OSBPL1A: variants seen among roughly 807,000 people sequenced by gnomAD.
OSBPL1A encodes the protein oxysterol binding protein like 1A.
OSBPL1A carries 80 observed loss-of-function variants against 137.1 expected under a neutral mutation model. That is an observed-to-expected ratio of 0.58 (90% CI 0.49 to 0.70). The LOEUF (loss-of-function observed/expected upper bound fraction) is 0.70. Ranked by LOEUF, OSBPL1A falls within the 30% of genes least tolerant of loss-of-function variation. The pLI, the probability that OSBPL1A is intolerant of heterozygous loss-of-function variation, is 0.00. For missense variants in OSBPL1A, 970 were observed against 1,129.4 expected (o/e 0.86, Z 2.02); for synonymous variants, 365 against 389.7 (o/e 0.94, Z 0.75).
At chr18:24,170,531 C>A (rs1370054083) in intron 23 of OSBPL1A, 78 bp from the exon 24 acceptor site, 7 of 1,559,498 alleles carry the variant, frequency 4.5e-6, no homozygotes, top group Non-Finnish European at 5.3e-6. Flanking sequence ...TATTCCCAGG[C>A]GGTCTCCCAT....
intron 18 of OSBPL1A, among the ~76,000 whole-genome samples, chr18:24,183,713 G>A (rs1249663118): frequency 6.6e-6 from 1 of 152,166 alleles, no homozygotes. Flanking sequence ...TGGGATTACA[G>A]GCGTGAGCCA....
intron 14 of OSBPL1A, among the ~76,000 whole-genome samples, chr18:24,300,392 G>A (rs1363895862): frequency 6.6e-6 from 1 of 152,126 alleles, no homozygotes; most frequent in African/African-American, 2.4e-5. Context: ...CTAGTTGCAA[G>A]GATTTATAAA....
rs1224356058 is a variant in OSBPL1A, at chr18:24,362,008, AAAAAAAAAAAAG to A, written c.282+4872_282+4883del. 1.3e-3 allele frequency among the ~76,000 whole-genome samples: 123 copies of A among 94,994 alleles called. No individual in the cohort carries two copies. The South Asian group carries it at 0.021, about 16-fold the overall frequency. 62.3% of individuals were successfully genotyped at this position (94,994 alleles called of 152,430 possible). A position where few individuals can be genotyped will look rare whatever the true frequency, so the allele number is the denominator to read the frequency against. On this transcript the variant is annotated intron_variant, in intron 4 of 27. Coordinates refer to ENST00000319481, the MANE Select transcript of OSBPL1A (RefSeq NM_080597.4). ...GGAGACTCCATCTCAAAAAAAAAAAAAAAAAAAAAAAGACATAGACAAAAATAACACTAATAC... is the reference window on the plus strand; with the variant it reads ...GGAGACTCCATCTCAAAAAAAAAAAAACATAGACAAAAATAACACTAATAC...
At chr18:24,270,772 T>C (rs2089698512) in intron 15 of OSBPL1A, among the ~76,000 whole-genome samples, 1 of 151,986 alleles carries the variant, frequency 6.6e-6, no homozygotes, top group African/African-American at 2.4e-5. Flanking sequence ...CTACACACTA[T>C]TCCACCAACA....
At chr18:24,377,602 T>C in intron 1 of OSBPL1A, 67 bp from the exon 2 acceptor site, 5 of 1,426,540 alleles carry the variant, frequency 3.5e-6, no homozygotes, top group Non-Finnish European at 4.7e-6. Context: ...TATCACCTGC[T>C]AATACAGAAA....
intron 1 of OSBPL1A, among the ~76,000 whole-genome samples, chr18:24,396,782 A>T (rs1410398348): frequency 6.6e-6 from 1 of 152,178 alleles, no homozygotes; most frequent in Non-Finnish European, 1.5e-5. Flanking sequence ...TACCCCTCAA[A>T]ACGAATCTGC....
chr18:24,342,051 C>T (rs2091281877), intron 4 of OSBPL1A, among the ~76,000 whole-genome samples: 1 of 151,988 alleles, frequency 6.6e-6, no homozygotes, highest in African/African-American at 2.4e-5. Context: ...CCCAACAGAC[C>T]AAGATTTTTA....
chr18:24,166,545 GTC>G, intron 26 of OSBPL1A, 32 bp downstream of exon 26: 1 of 1,588,740 alleles, frequency 6.3e-7, no homozygotes, highest in Non-Finnish European at 8.5e-7. Context: ...CGAGAAATGA[GTC>G]TTCACTGGTG....
intron 17 of OSBPL1A, among the ~76,000 whole-genome samples, chr18:24,210,714 T>G (rs539278092): frequency 6.6e-6 from 1 of 151,966 alleles, no homozygotes. Flanking sequence ...TTTCTTTCTT[T>G]TTTTAGCAAT....
Position 24,322,106 on chromosome 18 carries a change from C to CTTT in OSBPL1A, c.626-3300_626-3298dup, listed in dbSNP as rs71266986. 9.2e-4 allele frequency among the ~76,000 whole-genome samples: 113 copies of CTTT among 122,770 alleles called. 1 individual carries two copies. Among genetic ancestry groups the CTTT allele is most frequent in the Non-Finnish European group, 1.0e-3 (63 of 60,376 alleles). The allele number at this position is 122,770 out of a possible 152,430, so 80.5% of individuals were successfully genotyped here. On this transcript the variant is annotated intron_variant, in intron 7 of 27. Coordinates refer to ENST00000319481, the MANE Select transcript of OSBPL1A (RefSeq NM_080597.4). ...TTTTAACATAGAGAGAAATATGTGA[C>CTTT]TTTTTTTTTTTTTTTTTTTTTGAGA...
intron 27 of OSBPL1A, among the ~76,000 whole-genome samples, chr18:24,163,901 T>G (rs1366640229): frequency 2.6e-5 from 4 of 151,948 alleles, no homozygotes; most frequent in Non-Finnish European, 1.5e-5. Context: ...CCCAGCTAAT[T>G]TTGTATTTTT....
In OSBPL1A at chr18:24,196,195, C is replaced by T; in HGVS notation, c.1607G>A (p.Ser536Asn). 6.2e-7 allele frequency: 1 copy of T among 1,606,658 alleles called. No individual in the cohort carries two copies. Among genetic ancestry groups the T allele is most frequent in the Non-Finnish European group, 8.5e-7 (1 of 1,177,488 alleles). The change falls in exon 18 of 28, where the codon AGT becomes AAT. Residue 536 changes from serine (S) to asparagine (N), a missense_variant. By Grantham distance (46) the Ser-to-Asn change is conservative (BLOSUM62 1). This residue lies in a region of OSBPL1A where 647 missense variants were observed against 672.6 expected (regional missense o/e 0.96). Transcript: ENST00000319481. ...TCTGGAAAACATAGGAGAAGGCAAA[C>T]TTGTTCTGAAAAAAGAAAAGAAAAA... Reference protein sequence around the residue: ...LSNGIKKHRTSLPSPMFSRND... With the variant: ...LSNGIKKHRTNLPSPMFSRND...
At chr18:24,255,756 AT>A (rs536171928) in intron 15 of OSBPL1A, among the ~76,000 whole-genome samples, 36,292 of 137,910 alleles carry the variant, frequency 0.26, 4,680 homozygotes, top group Middle Eastern at 0.37. Context: ...AAACTTTCTA[AT>A]TTTTTTTTTT....
chr18:24,242,995 G>A (rs1206998358), intron 15 of OSBPL1A, among the ~76,000 whole-genome samples: 1 of 152,064 alleles, frequency 6.6e-6, no homozygotes, highest in African/African-American at 2.4e-5. Flanking sequence ...ATATAAACAA[G>A]GACTACATGA....
chr18:24,359,297 A>T (rs940117601), intron 4 of OSBPL1A, among the ~76,000 whole-genome samples: 6 of 151,666 alleles, frequency 4.0e-5, no homozygotes, highest in Non-Finnish European at 8.8e-5. Context: ...TATGTTGCCC[A>T]GGTTGGCCTC....
At chr18:24,255,000 A>G (rs1348092667) in intron 15 of OSBPL1A, among the ~76,000 whole-genome samples, 2 of 152,200 alleles carry the variant, frequency 1.3e-5, no homozygotes, top group Non-Finnish European at 2.9e-5. Flanking sequence ...AAATAAAATC[A>G]GGGATGAAAA....
intron 15 of OSBPL1A, among the ~76,000 whole-genome samples, chr18:24,250,878 C>T (rs1329616980): frequency 2.6e-5 from 4 of 152,168 alleles, no homozygotes; most frequent in African/African-American, 9.7e-5. Context: ...GAGCCCACTG[C>T]CCTGAAGGGT....
At chr18:24,380,733 CCT>C in intron 1 of OSBPL1A, among the ~76,000 whole-genome samples, 1 of 152,168 alleles carries the variant, frequency 6.6e-6, no homozygotes, top group Admixed American at 6.5e-5. Flanking sequence ...GGGTCTATCA[CCT>C]GAGGTCAGGA....
At chr18:24,394,832 A>G (rs1290277656) in intron 1 of OSBPL1A, among the ~76,000 whole-genome samples, 1 of 142,748 alleles carries the variant, frequency 7.0e-6, no homozygotes, top group Non-Finnish European at 1.6e-5. Context: ...TGCTTTCACT[A>G]TACAGTAATT....
Sources: allele counts gnomAD v4.1 joint callset (sites outside exome capture counted in the v4.1 genomes callset), GRCh38; gene constraint gnomAD v4.1.1; regional missense constraint gnomAD v4.1.1; transcripts MANE v1.5; gene names NCBI Gene and HGNC (gene_info 2026-07-23, HGNC 2026-07-21).